RAD51B: variants seen among roughly 807,000 people sequenced by gnomAD.
RAD51B encodes DNA repair protein RAD51 homolog 2.
Under a neutral mutation model 42.2 loss-of-function variants are expected in RAD51B, and 38 were observed. The observed-to-expected ratio is 0.90, with a 90% CI of 0.70 to 1.18. The LOEUF (loss-of-function observed/expected upper bound fraction) is 1.18. RAD51B is among the 50% of genes most tolerant of loss of function. The pLI, the probability that RAD51B is intolerant of heterozygous loss-of-function variation, is 0.00. For synonymous variants in RAD51B, 154 were observed against 145.2 expected, an observed-to-expected ratio of 1.06 and a Z score of -0.43; for missense variants, 373 against 400.7, an observed-to-expected ratio of 0.93 and a Z score of 0.59.
chr14:68,500,221 C>T (rs902714994), intron 10 of RAD51B, among the ~76,000 whole-genome samples: 1 of 152,238 alleles, frequency 6.6e-6, no homozygotes, highest in Non-Finnish European at 1.5e-5. Flanking sequence ...ATAATGACCA[C>T]ACTCTATAGA....
At chr14:68,594,764 C>G in exon 11 of RAD51B, 4 of 1,263,652 alleles carry the variant, frequency 3.2e-6, no homozygotes, top group Non-Finnish European at 4.1e-6. Context: ...ATCCAATGGC[C>G]ACTGGAGATG....
At chr14:67,919,596 G>A (rs780506466) in intron 7 of RAD51B, among the ~76,000 whole-genome samples, 9 of 152,068 alleles carry the variant, frequency 5.9e-5, no homozygotes, top group Non-Finnish European at 1.0e-4. Context: ...AAAATTTATT[G>A]TTCTTTGTTG....
chr14:67,860,606 A>C (rs183096100), intron 4 of RAD51B, among the ~76,000 whole-genome samples: 8 of 152,320 alleles, frequency 5.3e-5, no homozygotes, highest in Admixed American at 5.2e-4. Context: ...TGTTGGGGGA[A>C]ACTATATTAA....
chr14:67,862,866 A>AT (rs1239753487), intron 4 of RAD51B, among the ~76,000 whole-genome samples: 1 of 152,074 alleles, frequency 6.6e-6, no homozygotes, highest in Non-Finnish European at 1.5e-5. Context: ...AATGTTTATA[A>AT]TTTTTAATTC....
chr14:67,973,244 C>T (rs375781464), intron 7 of RAD51B, among the ~76,000 whole-genome samples: 1 of 152,038 alleles, frequency 6.6e-6, no homozygotes, highest in Non-Finnish European at 1.5e-5. Flanking sequence ...CTGCTTTGAC[C>T]TTGTAGGTAA....
At chr14:68,514,032 A>T (rs1001245693) in intron 10 of RAD51B, among the ~76,000 whole-genome samples, 66 of 152,338 alleles carry the variant, frequency 4.3e-4, no homozygotes, top group African/African-American at 1.5e-3. Context: ...TGCCTGTCTC[A>T]CTACAGGTGC....
intron 7 of RAD51B, among the ~76,000 whole-genome samples, chr14:67,887,931 A>G (rs2043111759): frequency 6.6e-6 from 1 of 152,204 alleles, no homozygotes; most frequent in African/African-American, 2.4e-5. Context: ...CCACAGCCTC[A>G]TCAACATTCA....
In RAD51B at chr14:68,673,051, A is replaced by C. The variant is rs117019437; in HGVS notation, c.*11+22195A>C. Among the ~76,000 whole-genome samples the C allele has an allele frequency of 7.9e-3, 1,209 of 152,324 alleles. 3 individuals carry two copies. The highest frequency in any genetic ancestry group is 0.054 in the Middle Eastern group (16 of 294). ...TCAACTGTGCTGACTGGTTTCATGC[A>C]CTAGCCAGAATTGGTCAAACTTAAA... On this transcript the variant is annotated intron_variant, in intron 11 of 11. Coordinates refer to the RAD51B transcript ENST00000488612.
intron 7 of RAD51B, among the ~76,000 whole-genome samples, chr14:68,287,464 G>C (rs1172236112): frequency 3.3e-5 from 5 of 152,214 alleles, no homozygotes; most frequent in Admixed American, 3.3e-4. Context: ...CTTCTTCCTC[G>C]AGAGAAGCTG....
At chr14:68,066,827 T>C (rs1049980286) in intron 7 of RAD51B, among the ~76,000 whole-genome samples, 4 of 152,202 alleles carry the variant, frequency 2.6e-5, no homozygotes, top group African/African-American at 9.6e-5. Context: ...GAAAGAAATA[T>C]ATCTTAATTA....
intron 10 of RAD51B, among the ~76,000 whole-genome samples, chr14:68,616,853 C>A (rs1353157986): frequency 6.6e-6 from 1 of 151,698 alleles, no homozygotes; most frequent in Non-Finnish European, 1.5e-5. Context: ...TTCAGTTTTA[C>A]TTTTCTCCTT....
chr14:68,071,625 A>C (rs2076741039), intron 7 of RAD51B, among the ~76,000 whole-genome samples: 1 of 152,118 alleles, frequency 6.6e-6, no homozygotes, highest in Admixed American at 6.5e-5. Flanking sequence ...ATTGTGATGG[A>C]TTAGCTTTTT....
intron 7 of RAD51B, among the ~76,000 whole-genome samples, chr14:68,197,294 T>C (rs2079392340): frequency 6.6e-6 from 1 of 152,216 alleles, no homozygotes; most frequent in South Asian, 2.1e-4. Context: ...AATCAAGCAC[T>C]GATATCTGGC....
intron 7 of RAD51B, among the ~76,000 whole-genome samples, chr14:67,964,713 T>A (rs1246854271): frequency 6.6e-6 from 1 of 152,192 alleles, no homozygotes; most frequent in Non-Finnish European, 1.5e-5. Context: ...TAGTACAGGT[T>A]CCTGAACAAG....
intron 10 of RAD51B, among the ~76,000 whole-genome samples, chr14:68,632,956 CTTTT>C (rs1892262685): frequency 1.0e-5 from 1 of 99,322 alleles, no homozygotes; most frequent in Non-Finnish European, 2.2e-5. Context: ...TTTCTTTTTT[CTTTT>C]TCTTTTTCTT....
chr14:67,897,049 A>G (rs902777392), intron 7 of RAD51B, among the ~76,000 whole-genome samples: 7 of 152,230 alleles, frequency 4.6e-5, no homozygotes, highest in African/African-American at 1.7e-4. Flanking sequence ...CACATGCACA[A>G]GAATGAGATT....
rs114308920 is a variant in RAD51B at position 68,068,070 on chromosome 14, C to T, written c.756+180866C>T. Reference sequence around the variant, plus strand: ...ATTTCAGGTAGAGGAAAGATATGAGCAGAGAAACAAAGGTGACAAGGTATG... The same window carrying T: ...ATTTCAGGTAGAGGAAAGATATGAGTAGAGAAACAAAGGTGACAAGGTATG... On this transcript the variant is annotated intron_variant, in intron 7 of 10. Coordinates refer to ENST00000471583, the MANE Select transcript of RAD51B (RefSeq NM_133510.4). Among the ~76,000 whole-genome samples the T allele has an allele frequency of 9.3e-3, 1,412 of 151,226 alleles. 25 individuals carry two copies. Among genetic ancestry groups the T allele is most frequent in the African/African-American group, 0.032 (1,322 of 41,180 alleles).
intron 7 of RAD51B, among the ~76,000 whole-genome samples, chr14:68,028,036 A>G (rs776710182): frequency 3.9e-5 from 6 of 152,150 alleles, no homozygotes; most frequent in South Asian, 4.1e-4. Flanking sequence ...GACTCTGTAC[A>G]GGGTCTTTGT....
At chr14:68,304,948 G>A (rs2139704181) in intron 8 of RAD51B, among the ~76,000 whole-genome samples, 1 of 152,268 alleles carries the variant, frequency 6.6e-6, no homozygotes, top group East Asian at 1.9e-4. Context: ...GATATCTAGA[G>A]CAGCAATCTT....
Sources: allele counts gnomAD v4.1 joint callset (sites outside exome capture counted in the v4.1 genomes callset), GRCh38; gene constraint gnomAD v4.1.1; transcripts MANE v1.5; gene names NCBI Gene and HGNC (gene_info 2026-07-23, HGNC 2026-07-21).